The following RIMBP2 variants were observed in gnomAD, a reference collection of about 807,000 sequenced individuals.
The protein encoded by RIMBP2 is RIMS-binding protein 2.
In RIMBP2, 48 loss-of-function variants were observed where a neutral mutation model predicts 118.6. That is an observed-to-expected ratio of 0.40 (90% CI 0.32 to 0.51). RIMBP2 has a LOEUF of 0.51. Ranked by LOEUF, RIMBP2 falls within the 20% of genes least tolerant of loss-of-function variation. The probability of loss-of-function intolerance (pLI) is 0.41; values close to 1 mark genes in which losing one functional copy is unlikely to be tolerated. For synonymous variants in RIMBP2, 762 were observed against 742.9 expected (o/e 1.03, Z -0.42); for missense variants, 1,551 against 1,768.3 (o/e 0.88, Z 2.20).
chr12:130,604,577 C>CTTTTTTTTTT (rs869251548), intron 2 of RIMBP2, among the ~76,000 whole-genome samples: 7 of 68,150 alleles, frequency 1.0e-4, no homozygotes, highest in Non-Finnish European at 1.4e-4. Flanking sequence ...ACAGATGCCC[C>CTTTTTTTTTT]TTTTCTTTCT....
rs1411787649 is a variant in RIMBP2 at position 130,424,360 on chromosome 12, C to T, written c.2911G>A (p.Glu971Lys). The T allele has an allele frequency of 8.1e-7, 1 of 1,232,460 alleles. No individual in the cohort carries two copies. The highest frequency in any genetic ancestry group is 1.0e-6 in the Non-Finnish European group (1 of 988,124). 76.3% of individuals were successfully genotyped at this position (1,232,460 alleles called of 1,614,324 possible). The stretch of plus-strand genomic sequence containing the variant: ...CCCACCTGCTCCCCAAAGTCCTCCT[C>T]CACGCTGCTCTGCCGGGTCAGCGTC... ...RRTLTRQSSV[E>K]EDFGEQVGPG... is the part of the protein sequence containing the mutation. The change falls in exon 16 of 23, where the codon GAG (glutamate) becomes AAG (lysine). Residue 971 changes from glutamate (E) to lysine (K), a missense_variant. Glu to Lys is a moderately conservative substitution (Grantham distance 56, BLOSUM62 1). This residue lies in a region of RIMBP2 where 1,038 missense variants were observed against 1,125.1 expected (regional missense o/e 0.92). Coordinates refer to ENST00000690449, the MANE Select transcript of RIMBP2 (RefSeq NM_001393629.1). This position sits in a 1 kb window ranked among gnomAD's most constrained non-coding sequence, Gnocchi z 9.8.
chr12:130,691,115 T>C (rs1368710627), intron 1 of RIMBP2, among the ~76,000 whole-genome samples: 2 of 152,094 alleles, frequency 1.3e-5, no homozygotes, highest in Admixed American at 6.5e-5. Context: ...CGGGATGAGA[T>C]GTAAAGGGAG....
At chr12:130,657,627 C>T (rs1410294435) in intron 1 of RIMBP2, among the ~76,000 whole-genome samples, 4 of 151,312 alleles carry the variant, frequency 2.6e-5, no homozygotes, top group Admixed American at 1.3e-4. Flanking sequence ...AAGGGCTGTG[C>T]GGGGGCAGTG....
At chr12:130,579,439 G>A (rs562105437) in intron 2 of RIMBP2, among the ~76,000 whole-genome samples, 3 of 152,280 alleles carry the variant, frequency 2.0e-5, no homozygotes, top group South Asian at 4.1e-4. Context: ...CGTTAGGCAC[G>A]TCCTGTGTGA....
chr12:130,492,182 T>C (rs1223091184), intron 4 of RIMBP2, among the ~76,000 whole-genome samples: 1 of 152,164 alleles, frequency 6.6e-6, no homozygotes, highest in Non-Finnish European at 1.5e-5. Flanking sequence ...ACGATTTGCT[T>C]TCACCCAGCA....
At chr12:130,460,095 C>T (rs1380997761) in intron 6 of RIMBP2, among the ~76,000 whole-genome samples, 1 of 152,130 alleles carries the variant, frequency 6.6e-6, no homozygotes, top group African/African-American at 2.4e-5. Context: ...AGACAGAAAA[C>T]GGGTGGAGAA....
In RIMBP2 at chr12:130,487,344, T is replaced by G. The variant is rs1448068513; in HGVS notation, c.-3-8328A>C. Among the ~76,000 whole-genome samples the G allele has an allele frequency of 2.6e-5, 4 of 152,204 alleles. No individual in the cohort carries two copies. The East Asian group carries it at 7.7e-4, about 29-fold the overall frequency. On this transcript the variant is annotated intron_variant, in intron 4 of 22. Transcript: ENST00000690449. ...GTCACGGGGGCATAGCCCTCATGAA[T>G]AGCTTGGTGCCCTCCCCATAGCGAT...
Position 130,411,059 on chromosome 12 carries a change from G to A in RIMBP2, c.3589+1560C>T, listed in dbSNP as rs183639657. ...GATTTTCGGCATACAAATACTGCAC[G>A]TGTTTTGTTAGACTTAATGCTAAGT... On this transcript the variant is annotated intron_variant, in intron 19 of 22. Transcript: ENST00000690449. 1.1e-3 allele frequency among the ~76,000 whole-genome samples: 167 copies of A among 152,274 alleles called. 1 individual carries two copies. The highest frequency in any genetic ancestry group is 3.6e-3 in the African/African-American group (150 of 41,558).
intron 12 of RIMBP2, 40 bp from the exon 13 acceptor site, chr12:130,437,331 G>T: frequency 6.6e-7 from 1 of 1,510,260 alleles, no homozygotes. Context: ...TGCCCGAGGT[G>T]AGCCCCGCGG....
At chr12:130,686,774 A>T in intron 1 of RIMBP2, among the ~76,000 whole-genome samples, 1 of 152,192 alleles carries the variant, frequency 6.6e-6, no homozygotes, top group East Asian at 1.9e-4. Context: ...GGCCTGGGGC[A>T]CCAGATGGCT....
chr12:130,670,385 C>T lies in RIMBP2; in HGVS notation c.-351-41929G>A, dbSNP rs964317215. ...CCACCAGCGTGTGAGCATTTTGCCT[C>T]GGGAAACTAGAGGGCAGTAGTCATG... is the stretch of plus-strand genomic sequence containing the variant. On this transcript the variant is annotated intron_variant, in intron 1 of 22. Transcript: ENST00000690449. The surrounding 1 kb of genome is among the most constrained non-coding windows in gnomAD (Gnocchi z 4.9). Among the ~76,000 whole-genome samples the T allele has an allele frequency of 4.6e-5, 7 of 152,112 alleles. No individual in the cohort carries two copies. Among genetic ancestry groups the T allele is most frequent in the African/African-American group, 1.4e-4 (6 of 41,414 alleles).
intron 2 of RIMBP2, among the ~76,000 whole-genome samples, chr12:130,536,537 C>A (rs1363167643): frequency 6.6e-6 from 1 of 152,194 alleles, no homozygotes; most frequent in Non-Finnish European, 1.5e-5. Flanking sequence ...CCACTTACTT[C>A]CGCCATAGTC....
At chr12:130,632,327 A>G (rs1245261868) in intron 1 of RIMBP2, among the ~76,000 whole-genome samples, 1 of 152,252 alleles carries the variant, frequency 6.6e-6, no homozygotes, top group African/African-American at 2.4e-5. Context: ...TCTCAGAGAA[A>G]TCATTAAGAA....
chr12:130,494,318 C>T (rs1427692097), intron 4 of RIMBP2, among the ~76,000 whole-genome samples: 1 of 152,110 alleles, frequency 6.6e-6, no homozygotes, highest in African/African-American at 2.4e-5. Context: ...CCTCCACAGT[C>T]TCACGGTAAG....
At chr12:130,453,460 A>G (rs1248104755) in intron 7 of RIMBP2, among the ~76,000 whole-genome samples, 1 of 152,240 alleles carries the variant, frequency 6.6e-6, no homozygotes, top group African/African-American at 2.4e-5. Flanking sequence ...ATGAACAGGT[A>G]AAAAATACAG....
At chr12:130,691,957 A>C (rs958516941) in intron 1 of RIMBP2, among the ~76,000 whole-genome samples, 3 of 152,180 alleles carry the variant, frequency 2.0e-5, no homozygotes, top group Non-Finnish European at 4.4e-5. Flanking sequence ...AAGCGGATAC[A>C]GTCTAAGATG....
intron 17 of RIMBP2, among the ~76,000 whole-genome samples, chr12:130,421,912 A>G (rs2076439918): frequency 6.6e-6 from 1 of 152,240 alleles, no homozygotes; most frequent in South Asian, 2.1e-4. Flanking sequence ...CAGGAAGAGA[A>G]TGGAAACGGA....
intron 11 of RIMBP2, among the ~76,000 whole-genome samples, chr12:130,441,447 A>ATTATTATT (rs1555251238): frequency 7.1e-6 from 1 of 141,048 alleles, no homozygotes; most frequent in African/African-American, 2.6e-5. Flanking sequence ...TAATAATAAT[A>ATTATTATT]ATTTACAAGG....
chr12:130,572,406 C>G (rs1219983986), intron 2 of RIMBP2, among the ~76,000 whole-genome samples: 3 of 152,156 alleles, frequency 2.0e-5, no homozygotes, highest in Admixed American at 6.5e-5. Context: ...CTTCCCGGCT[C>G]GCATGAGCAT....
Sources: allele counts gnomAD v4.1 joint callset (sites outside exome capture counted in the v4.1 genomes callset), GRCh38; gene constraint gnomAD v4.1.1; regional missense constraint gnomAD v4.1.1; non-coding constraint Gnocchi (gnomAD v3.1); transcripts MANE v1.5; gene names NCBI Gene and HGNC (gene_info 2026-07-23, HGNC 2026-07-21).